FREM2: variants seen among roughly 807,000 people sequenced by gnomAD.
FREM2 encodes FRAS1 related extracellular matrix 2.
Under a neutral mutation model 219.9 loss-of-function variants are expected in FREM2, and 119 were observed. The observed-to-expected ratio is 0.54, with a 90% CI of 0.47 to 0.63. The LOEUF (loss-of-function observed/expected upper bound fraction) is 0.63. Ranked by LOEUF, FREM2 falls within the 30% of genes least tolerant of loss-of-function variation. FREM2 has a pLI of 0.00. For synonymous variants in FREM2, 1,562 were observed against 1,522.8 expected, an observed-to-expected ratio of 1.03 and a Z score of -0.60; for missense variants, 4,030 against 3,993.6, an observed-to-expected ratio of 1.01 and a Z score of -0.25.
In FREM2 at chr13:38,764,295, A is replaced by G; in HGVS notation, c.5264-9A>G. On this transcript the variant is annotated splice_polypyrimidine_tract_variant and intron_variant, in intron 2 of 23. Coordinates refer to ENST00000280481, the MANE Select transcript of FREM2 (RefSeq NM_207361.6). The stretch of plus-strand genomic sequence containing the variant: ...CACTAATTTATGGCTTTAAATTTTT[A>G]TTTTCAAGGTGGAAACAAGTTAACG... The G allele has an allele frequency of 1.2e-6, 2 of 1,606,836 alleles. No homozygotes were observed. The highest frequency in any genetic ancestry group is 1.3e-5 in the African/African-American group (1 of 74,856).
At chr13:38,790,387 T>C (rs1197282819) in intron 6 of FREM2, among the ~76,000 whole-genome samples, 1 of 152,130 alleles carries the variant, frequency 6.6e-6, no homozygotes, top group Non-Finnish European at 1.5e-5. Flanking sequence ...TTCTGTCTTG[T>C]GAGAGTATTT....
At chr13:38,842,168 G>A (rs973687104) in intron 6 of FREM2, among the ~76,000 whole-genome samples, 3 of 152,208 alleles carry the variant, frequency 2.0e-5, no homozygotes, top group Admixed American at 1.3e-4. Context: ...CTAATAGGAT[G>A]TTGAAAAGGC....
In FREM2 at chr13:38,878,123, C is replaced by G; in HGVS notation, c.8672-11C>G. The G allele has an allele frequency of 6.2e-7, 1 of 1,607,138 alleles. No individual in the cohort carries two copies. The highest frequency in any genetic ancestry group is 8.5e-7 in the Non-Finnish European group (1 of 1,173,782). The stretch of plus-strand genomic sequence containing the variant: ...TATAACAGAAATAACATTTCCACAT[C>G]TCTATTTCAGGTGATATAATTTATG... On this transcript the variant is annotated splice_polypyrimidine_tract_variant and intron_variant, in intron 21 of 23. Coordinates refer to ENST00000280481, the MANE Select transcript of FREM2 (RefSeq NM_207361.6).
intron 21 of FREM2, 125 bp downstream of exon 21, chr13:38,877,368 G>A (rs1211674979): frequency 9.5e-7 from 1 of 1,055,034 alleles, no homozygotes; most frequent in Non-Finnish European, 1.5e-6. Context: ...ATGTAACTGG[G>A]TCTTTACCCA....
intron 6 of FREM2, among the ~76,000 whole-genome samples, chr13:38,815,978 G>A (rs901126805): frequency 1.3e-5 from 2 of 152,034 alleles, no homozygotes; most frequent in African/African-American, 4.8e-5. Flanking sequence ...CCAAACTACA[G>A]TAGAAGAAAT....
intron 6 of FREM2, among the ~76,000 whole-genome samples, chr13:38,806,717 T>C (rs1665308359): frequency 6.6e-6 from 1 of 151,892 alleles, no homozygotes; most frequent in South Asian, 2.1e-4. Flanking sequence ...AAGGTTGGGA[T>C]GGTTGTGGTA....
rs1329137258 is a variant in FREM2 at position 38,885,758 on chromosome 13, A to G, written c.*4971A>G. The G allele has an allele frequency of 3.9e-5, 6 of 152,192 alleles. No individual in the cohort carries two copies. The highest frequency in any genetic ancestry group is 1.4e-4 in the African/African-American group (6 of 41,462). 9.4% of individuals were successfully genotyped at this position (152,192 alleles called of 1,614,324 possible). On this transcript the variant is annotated 3_prime_UTR_variant, in exon 24 of 24. Coordinates refer to ENST00000280481, the MANE Select transcript of FREM2 (RefSeq NM_207361.6). ...GCATCATACTAAATAAAATGATGAC[A>G]ATATGTGCCTTGATTTTTCTCTCAA...
intron 6 of FREM2, among the ~76,000 whole-genome samples, chr13:38,810,748 T>G (rs1048320740): frequency 6.6e-6 from 1 of 152,176 alleles, no homozygotes; most frequent in East Asian, 1.9e-4. Flanking sequence ...TTTACATCAA[T>G]ATTCATCAGA....
chr13:38,759,450 T>TA (rs75729303), intron 2 of FREM2, among the ~76,000 whole-genome samples: 14,938 of 125,650 alleles, frequency 0.12, 777 homozygotes, highest in South Asian at 0.22. Flanking sequence ...TTTGTTATTC[T>TA]AAAAAAAAAA....
At chr13:38,843,718 G>A (rs963961441) in intron 6 of FREM2, among the ~76,000 whole-genome samples, 1 of 152,024 alleles carries the variant, frequency 6.6e-6, no homozygotes, top group Non-Finnish European at 1.5e-5. Flanking sequence ...TCTCCCAGTG[G>A]TAATGATTAT....
intron 6 of FREM2, among the ~76,000 whole-genome samples, chr13:38,806,505 T>A (rs1875232215): frequency 6.6e-6 from 1 of 151,992 alleles, no homozygotes; most frequent in African/African-American, 2.4e-5. Flanking sequence ...CATGTAAAAC[T>A]TATGCTTACA....
At position 38,787,009 on chromosome 13, in the gene FREM2, C is replaced by G. The variant is rs375293055; in HGVS notation, c.6019+2201C>G. Among the ~76,000 whole-genome samples, 206 of 152,202 alleles carry G rather than the reference C, an allele frequency of 1.4e-3. 1 individual carries two copies. Among genetic ancestry groups the G allele is most frequent in the African/African-American group, 4.9e-3 (204 of 41,520 alleles). ...AGGTTGAGGAACCATTGGTATGGTC[C>G]TATCATATAATATTCATAGAACATT... is the stretch of plus-strand genomic sequence containing the variant. On this transcript the variant is annotated intron_variant, in intron 6 of 23. Transcript: ENST00000280481.
intron 2 of FREM2, among the ~76,000 whole-genome samples, chr13:38,710,068 G>C (rs945971830): frequency 3.3e-5 from 5 of 150,694 alleles, no homozygotes; most frequent in Admixed American, 6.6e-5. Flanking sequence ...ACATACCTGT[G>C]TTCCCAGCAG....
chr13:38,826,385 AT>A (rs200431728), intron 6 of FREM2, among the ~76,000 whole-genome samples: 1 of 151,650 alleles, frequency 6.6e-6, no homozygotes. Flanking sequence ...CAGAACAATG[AT>A]TTTTTTTTCC....
rs1469145913 is a variant in FREM2 at position 38,687,662 on chromosome 13, G to A, written c.318G>A (p.Ala106=). Residue 106 remains alanine (A), a synonymous_variant, in exon 1 of 24, where the codon GCG becomes GCA. Transcript: ENST00000280481. The part of the protein sequence containing the change: ...VLQVQPGDRC[A]VSVLDNDALA... ...AGGTGCAGCCCGGGGACCGCTGCGC[G>A]GTTTCGGTACTAGACAACGACGCAC... 2 of 1,605,330 alleles carry A rather than the reference G, an allele frequency of 1.2e-6. No individual in the cohort carries two copies. The highest frequency in any genetic ancestry group is 1.1e-5 in the South Asian group (1 of 90,140).
At chr13:38,762,376 T>C (rs1873260000) in intron 2 of FREM2, among the ~76,000 whole-genome samples, 1 of 152,002 alleles carries the variant, frequency 6.6e-6, no homozygotes, top group African/African-American at 2.4e-5. Context: ...GTAAGTTTCA[T>C]CAGCGCAAAA....
intron 2 of FREM2, among the ~76,000 whole-genome samples, chr13:38,716,129 AC>A (rs1388558207): frequency 6.7e-6 from 1 of 148,818 alleles, no homozygotes; most frequent in Non-Finnish European, 1.5e-5. Flanking sequence ...ACTGGGATGA[AC>A]GAGCCCCTAA....
At position 38,692,217 on chromosome 13, in the gene FREM2, C is replaced by T. The variant is rs1869912142; in HGVS notation, c.4873C>T (p.His1625Tyr). The change falls in exon 1 of 24, where the codon CAT becomes TAT. Residue 1625 changes from histidine (H) to tyrosine (Y), a missense_variant. By Grantham distance (83) the His-to-Tyr change is moderately conservative. Transcript: ENST00000280481. ...SFSFTVTDGTHTDFYVFPDTV... is the reference protein window; with the variant it reads ...SFSFTVTDGTYTDFYVFPDTV... The stretch of plus-strand genomic sequence containing the variant: ...CTCCTTCACAGTGACTGATGGCACC[C>T]ATACAGACTTCTATGTTTTTCCTGA... 2 of 1,614,122 alleles carry T rather than the reference C, an allele frequency of 1.2e-6. No homozygotes were observed. Among genetic ancestry groups the T allele is most frequent in the Non-Finnish European group, 1.7e-6 (2 of 1,179,974 alleles).
intron 7 of FREM2, among the ~76,000 whole-genome samples, chr13:38,847,761 C>T (rs1377604096): frequency 6.6e-6 from 1 of 152,106 alleles, no homozygotes; most frequent in Non-Finnish European, 1.5e-5. Flanking sequence ...GAAATATTAT[C>T]GATCTGTTGC....
Sources: gnomAD v4.1 joint callset for allele counts (sites outside exome capture counted in the v4.1 genomes callset) on GRCh38, gnomAD v4.1.1 for gene constraint, MANE v1.5 for transcripts, NCBI Gene and HGNC (gene_info 2026-07-23, HGNC 2026-07-21) for gene names.